AP5Z1: variants seen among roughly 807,000 people sequenced by gnomAD.
AP5Z1 encodes adaptor related protein complex 5 subunit zeta 1, also known as AP-5 complex subunit zeta-1.
AP5Z1 carries 106 observed loss-of-function variants against 83.0 expected under a neutral mutation model. The ratio of observed to expected loss-of-function variants is 1.28; its 90% confidence interval spans 1.09 to 1.50. AP5Z1 has a LOEUF of 1.50. AP5Z1 is among the 40% of genes most tolerant of loss of function. The pLI, the probability that AP5Z1 is intolerant of heterozygous loss-of-function variation, is 0.00. For missense variants in AP5Z1, 1,565 were observed against 1,094.2 expected, an observed-to-expected ratio of 1.43 and a Z score of -6.07; for synonymous variants, 751 against 514.1, an observed-to-expected ratio of 1.46 and a Z score of -6.23.
chr7:4,791,051 C>A (rs1449699187), intron 16 of AP5Z1, 64 bp from the exon 17 acceptor site: 4 of 1,495,704 alleles, frequency 2.7e-6, no homozygotes, highest in Non-Finnish European at 3.6e-6. Flanking sequence ...CCTGGCCCCT[C>A]CACACAGACC....
Position 4,792,158 on chromosome 7 carries a change from G to C in AP5Z1, c.*773G>C, listed in dbSNP as rs566621601. The C allele has an allele frequency of 6.6e-6, 1 of 152,150 alleles. No individual in the cohort carries two copies. Among genetic ancestry groups the C allele is most frequent in the African/African-American group, 2.4e-5 (1 of 41,418 alleles). 9.4% of individuals were successfully genotyped at this position (152,150 alleles called of 1,614,324 possible). ...TGTCTGGGCGTGCGGCCCCAGCCCC[G>C]CCACCTTCCTGGGCCCTGTGGTCCC... On this transcript the variant is annotated 3_prime_UTR_variant, in exon 17 of 17. Coordinates refer to ENST00000649063, the MANE Select transcript of AP5Z1 (RefSeq NM_014855.3).
Position 4,788,502 on chromosome 7 carries a change from G to C in AP5Z1, c.1595+208G>C, listed in dbSNP as rs1417079220. The C allele has an allele frequency of 4.5e-5, 28 of 626,510 alleles. 1 individual carries two copies. In the East Asian group the frequency reaches 8.3e-4, roughly 19 times the overall value. 38.8% of individuals were successfully genotyped at this position (626,510 alleles called of 1,614,324 possible). A position where few individuals can be genotyped will look rare whatever the true frequency, so the allele number is the denominator to read the frequency against. ...GGGCCTGGTCTCAGCTCTCTCTGCT[G>C]CCCACATCAACCCTCATAAGCTTGG... On this transcript the variant is annotated intron_variant, in intron 12 of 16. Coordinates refer to ENST00000649063, the MANE Select transcript of AP5Z1 (RefSeq NM_014855.3).
Position 4,781,462 on chromosome 7 carries a change from C to A in AP5Z1, c.180-106C>A. Reference sequence around the variant, plus strand: ...TGAAGGTCCATCCTCATGTAAAATGCTCTGTCCACTGGCCCAAGGGTGCCC... The same window carrying A: ...TGAAGGTCCATCCTCATGTAAAATGATCTGTCCACTGGCCCAAGGGTGCCC... On this transcript the variant is annotated intron_variant, in intron 2 of 16. Coordinates refer to ENST00000649063, the MANE Select transcript of AP5Z1 (RefSeq NM_014855.3). 2.0e-6 allele frequency: 3 copies of A among 1,531,600 alleles called. No individual in the cohort carries two copies. In the South Asian group the frequency reaches 3.6e-5, roughly 18 times the overall value. 94.9% of individuals were successfully genotyped at this position (1,531,600 alleles called of 1,614,324 possible).
chr7:4,788,819 A>C, intron 12 of AP5Z1, 21 bp from the exon 13 acceptor site: 6 of 1,577,796 alleles, frequency 3.8e-6, no homozygotes, highest in Non-Finnish European at 5.2e-6. Context: ...GGCAGCACTC[A>C]CGGCCACACT....
At chr7:4,784,877 T>C (rs760926872) in intron 6 of AP5Z1, 31 bp from the exon 7 acceptor site, 1 of 1,596,782 alleles carries the variant, frequency 6.3e-7, no homozygotes, top group East Asian at 2.3e-5. Context: ...GAGCCACACG[T>C]CAGCCTGCTG....
At chr7:4,788,122 C>A (rs1425432239) in intron 11 of AP5Z1, 32 bp from the exon 12 acceptor site, 1 of 1,498,484 alleles carries the variant, frequency 6.7e-7, no homozygotes, top group Non-Finnish European at 9.0e-7. Flanking sequence ...GGGGCCGCAT[C>A]CCAGCCTGGC....
At chr7:4,779,936 C>T (rs533596913) in intron 1 of AP5Z1, among the ~76,000 whole-genome samples, 2 of 152,100 alleles carry the variant, frequency 1.3e-5, no homozygotes, top group African/African-American at 2.4e-5. Flanking sequence ...AGCCACCGTG[C>T]GTGGCCGAAT....
chr7:4,789,948 C>G lies in AP5Z1; in HGVS notation c.1805+19C>G. 1 of 1,513,680 alleles carries G rather than the reference C, an allele frequency of 6.6e-7. No individual in the cohort carries two copies. The highest frequency in any genetic ancestry group is 8.9e-7 in the Non-Finnish European group (1 of 1,124,822). The allele number at this position is 1,513,680 out of a possible 1,614,324, so 93.8% of individuals were successfully genotyped here. ...TGCACAGGTAGGTCCCTCCTGCGCTCCTGCCACAGCCCTGGGCGGGTGCCT... is the reference window on the plus strand; with the variant it reads ...TGCACAGGTAGGTCCCTCCTGCGCTGCTGCCACAGCCCTGGGCGGGTGCCT... On this transcript the variant is annotated intron_variant, in intron 14 of 16. Coordinates refer to ENST00000649063, the MANE Select transcript of AP5Z1 (RefSeq NM_014855.3).
chr7:4,793,270 A>C lies in AP5Z1; in HGVS notation c.*1885A>C, dbSNP rs1781844401. 6.6e-6 allele frequency: 1 copy of C among 152,268 alleles called. No homozygotes were observed. Among genetic ancestry groups the C allele is most frequent in the South Asian group, 2.1e-4 (1 of 4,834 alleles). The allele number at this position is 152,268 out of a possible 1,614,324, so 9.4% of individuals were successfully genotyped here. ...CCAGCTCTCAACTTTTTTTTTAAATAAACTGAAATTTTAGAATAGTTTTTC... is the reference window on the plus strand; with the variant it reads ...CCAGCTCTCAACTTTTTTTTTAAATCAACTGAAATTTTAGAATAGTTTTTC... On this transcript the variant is annotated 3_prime_UTR_variant, in exon 17 of 17. Coordinates refer to ENST00000649063, the MANE Select transcript of AP5Z1 (RefSeq NM_014855.3).
Position 4,781,561 on chromosome 7 carries a change from CT to C in AP5Z1, c.180-5del. On this transcript the variant is annotated splice_region_variant and splice_polypyrimidine_tract_variant and intron_variant, in intron 2 of 16. Transcript: ENST00000649063. ...TTACCGCCCACCACGGGCATCTCGC[CT>C]TCCAGGCTGGAGAAGACATGCGTAG... 6.2e-7 allele frequency: 1 copy of C among 1,602,252 alleles called. No homozygotes were observed. Among genetic ancestry groups the C allele is most frequent in the Non-Finnish European group, 8.5e-7 (1 of 1,171,264 alleles).
At position 4,787,576 on chromosome 7, in the gene AP5Z1, C is replaced by A. The variant is rs1174948205; in HGVS notation, c.1312-58C>A. ...CTGTGGGGCCCTAGCTGGCTCCTCC[C>A]TCTGCCGCCTGCTCCACAGCTCCGA... is the stretch of plus-strand genomic sequence containing the variant. On this transcript the variant is annotated intron_variant, in intron 10 of 16. Transcript: ENST00000649063. 1.5e-5 allele frequency: 23 copies of A among 1,519,292 alleles called. No individual in the cohort carries two copies. The Admixed American group carries it at 1.8e-4, about 12-fold the overall frequency. The allele number at this position is 1,519,292 out of a possible 1,614,324, so 94.1% of individuals were successfully genotyped here. A position where few individuals can be genotyped will look rare whatever the true frequency, so the allele number is the denominator to read the frequency against.
intron 1 of AP5Z1, among the ~76,000 whole-genome samples, chr7:4,779,147 CAT>C (rs779206708): frequency 1.1e-3 from 156 of 140,512 alleles, no homozygotes; most frequent in Middle Eastern, 4.0e-3. Context: ...TTATATATAA[CAT>C]ATATAACAAC....
intron 1 of AP5Z1, 110 bp downstream of exon 1, chr7:4,775,866 C>G: frequency 6.9e-7 from 1 of 1,440,022 alleles, no homozygotes; most frequent in Non-Finnish European, 9.4e-7. Context: ...AGGAACCCGA[C>G]TGGACTCGCC....
At position 4,791,247 on chromosome 7, in the gene AP5Z1, C is replaced by T. The variant is rs542956735; in HGVS notation, c.2286C>T (p.Ser762=). The stretch of plus-strand genomic sequence containing the variant: ...TGCTGACCCTGCTGAAGATGCCTAG[C>T]GTGGCCCAGTTTGTGCTCACACCCA... ...TELLTLLKMP[S]VAQFVLTPST... The change falls in exon 17 of 17, where the codon AGC becomes AGT. Residue 762 remains serine (S), a synonymous_variant. Transcript: ENST00000649063. 1.6e-5 allele frequency: 25 copies of T among 1,612,770 alleles called. No individual in the cohort carries two copies. Among genetic ancestry groups the T allele is most frequent in the Admixed American group, 8.3e-5 (5 of 60,014 alleles).
chr7:4,791,671 G>GCC lies in AP5Z1; in HGVS notation c.*287_*288insCC. 1 of 508,432 alleles carries GCC rather than the reference G, an allele frequency of 2.0e-6. No homozygotes were observed. Among genetic ancestry groups the GCC allele is most frequent in the African/African-American group, 1.9e-5 (1 of 52,548 alleles). 31.5% of individuals were successfully genotyped at this position (508,432 alleles called of 1,614,324 possible). ...GGCCCTGTGGCTGGGTCGGGTGGAG[G>GCC]CTGCTGGGTCTGTTTCCTAGTCTTT... On this transcript the variant is annotated 3_prime_UTR_variant, in exon 17 of 17. Transcript: ENST00000649063.
chr7:4,791,318 C>T lies in AP5Z1; in HGVS notation c.2357C>T (p.Ala786Val), dbSNP rs1781765089. 4 of 1,610,558 alleles carry T rather than the reference C, an allele frequency of 2.5e-6. No homozygotes were observed. The South Asian group carries it at 3.3e-5, about 13-fold the overall frequency. The stretch of plus-strand genomic sequence containing the variant: ...CGCTATCACCGCGATGCCAACACGG[C>T]CCTGCCCCTGGCCCTGCGCACGGTC... ...SPRYHRDANT[A>V]LPLALRTVSR... Residue 786 changes from alanine to valine, a missense_variant, in exon 17 of 17, where the codon GCC (alanine) becomes GTC (valine). Transcript: ENST00000649063.
Position 4,785,668 on chromosome 7 carries a change from CTTCT to C in AP5Z1, c.1118_1121del (p.Phe373SerfsTer2). On this transcript the variant is annotated frameshift_variant, in exon 9 of 17. Transcript: ENST00000649063. LOFTEE classifies it high-confidence loss of function. ...TGCGGGTGCTGCTGCCCCTCGCCCA[CTTCT>C]TCCTGAGCCACGGTGAGCCCAGGGT... 1 of 1,540,104 alleles carries C rather than the reference CTTCT, an allele frequency of 6.5e-7. No individual in the cohort carries two copies. Among genetic ancestry groups the C allele is most frequent in the Non-Finnish European group, 8.8e-7 (1 of 1,142,716 alleles).
chr7:4,775,638 G>C lies in AP5Z1; in HGVS notation c.-78G>C. ...GCGCTCACGTGACGCGGTCCCGGAA[G>C]TTGACCGGGGTGCGGAGCTCCTGGG... On this transcript the variant is annotated 5_prime_UTR_variant, in exon 1 of 17. Coordinates refer to ENST00000649063, the MANE Select transcript of AP5Z1 (RefSeq NM_014855.3). 6.3e-7 allele frequency: 1 copy of C among 1,586,384 alleles called. No individual in the cohort carries two copies. Among genetic ancestry groups the C allele is most frequent in the South Asian group, 1.1e-5 (1 of 89,430 alleles).
Position 4,788,835 on chromosome 7 carries a change from C to T in AP5Z1, c.1596-5C>T, listed in dbSNP as rs769992783. The T allele has an allele frequency of 4.4e-6, 7 of 1,600,934 alleles. No homozygotes were observed. Among genetic ancestry groups the T allele is most frequent in the East Asian group, 4.5e-5 (2 of 44,678 alleles). On this transcript the variant is annotated splice_polypyrimidine_tract_variant and splice_region_variant and intron_variant, in intron 12 of 16. Transcript: ENST00000649063. ...GCAGCACTCACGGCCACACTGTGTCCTCAGGTTGGCGCCACTCCACCAGCT... is the reference window on the plus strand; with the variant it reads ...GCAGCACTCACGGCCACACTGTGTCTTCAGGTTGGCGCCACTCCACCAGCT...
Sources: allele counts gnomAD v4.1 joint callset (sites outside exome capture counted in the v4.1 genomes callset), GRCh38; gene constraint gnomAD v4.1.1; transcripts MANE v1.5; gene names NCBI Gene and HGNC (gene_info 2026-07-23, HGNC 2026-07-21).